CA13: variants seen among roughly 807,000 people sequenced by gnomAD.
CA13 encodes carbonic anhydrase 13.
CA13 carries 21 observed loss-of-function variants against 31.5 expected under a neutral mutation model. The observed-to-expected ratio is 0.67, with a 90% CI of 0.47 to 0.96. The LOEUF is 0.96. Among genes scored for constraint, CA13 ranks in the 40% least tolerant of loss-of-function variants. The pLI is 0.00. For synonymous variants in CA13, 117 were observed against 111.4 expected (o/e 1.05, Z -0.32); for missense variants, 315 against 318.9 (o/e 0.99, Z 0.09).
At chr8:85,268,364 T>C (rs2129987667) in intron 5 of CA13, 108 bp from the exon 6 acceptor site, 1 of 937,760 alleles carries the variant, frequency 1.1e-6, no homozygotes, top group East Asian at 2.4e-5. Flanking sequence ...GATGCAGATA[T>C]TCTGTATTGT....
chr8:85,273,973 T>C (rs1807564436), intron 6 of CA13, among the ~76,000 whole-genome samples: 1 of 151,880 alleles, frequency 6.6e-6, no homozygotes, highest in African/African-American at 2.4e-5. Flanking sequence ...ATGTAACTGC[T>C]GCATAGTACC....
chr8:85,265,573 C>G (rs1807444616), intron 3 of CA13, among the ~76,000 whole-genome samples: 1 of 151,998 alleles, frequency 6.6e-6, no homozygotes, highest in African/African-American at 2.4e-5. Context: ...TTATCTCCCT[C>G]CTTAGTAGCA....
At chr8:85,247,516 A>G (rs568531185) in intron 1 of CA13, among the ~76,000 whole-genome samples, 1 of 152,290 alleles carries the variant, frequency 6.6e-6, no homozygotes, top group Non-Finnish European at 1.5e-5. Context: ...TCAGAGAAAG[A>G]TTGGGAAAAT....
At chr8:85,259,372 A>T in intron 2 of CA13, 49 bp from the exon 3 acceptor site, 2 of 1,454,430 alleles carry the variant, frequency 1.4e-6, no homozygotes, top group Non-Finnish European at 1.9e-6. Flanking sequence ...TGAGCAGCTT[A>T]TGTAAATATT....
chr8:85,269,641 T>C (rs7818163), intron 6 of CA13, among the ~76,000 whole-genome samples: 112,601 of 152,020 alleles, frequency 0.74, 42,457 homozygotes, highest in African/African-American at 0.85. Context: ...TGTAGGGAGG[T>C]TCTTTCTGTG....
Position 85,262,935 on chromosome 8 carries a change from G to C in CA13, c.354+3396G>C, listed in dbSNP as rs142690494. On this transcript the variant is annotated intron_variant, in intron 3 of 6. Coordinates refer to ENST00000321764, the MANE Select transcript of CA13 (RefSeq NM_198584.3). ...ACCTCAGGCTTGGTGGGGTGGGAGA[G>C]GTAGACAATAAGCAAATAAATAAAT... is the stretch of plus-strand genomic sequence containing the variant. Among the ~76,000 whole-genome samples the C allele has an allele frequency of 1.4e-3, 209 of 152,196 alleles. 1 individual carries two copies. The highest frequency in any genetic ancestry group is 6.8e-3 in the Middle Eastern group (2 of 294).
chr8:85,268,012 AC>A (rs564900875), intron 5 of CA13, 48 bp downstream of exon 5: 1 of 1,168,710 alleles, frequency 8.6e-7, no homozygotes, highest in Non-Finnish European at 1.2e-6. Flanking sequence ...GTTCTCTCCC[AC>A]ATTCTCTTAT....
intron 6 of CA13, among the ~76,000 whole-genome samples, chr8:85,280,054 G>T (rs1807675824): frequency 1.3e-5 from 2 of 152,118 alleles, no homozygotes; most frequent in Admixed American, 1.3e-4. Context: ...GGCTGAGGAG[G>T]GCGGATCATG....
At chr8:85,279,796 C>T (rs1448142545) in intron 6 of CA13, among the ~76,000 whole-genome samples, 1 of 152,186 alleles carries the variant, frequency 6.6e-6, no homozygotes, top group Non-Finnish European at 1.5e-5. Context: ...TTGTTATGAT[C>T]TGCAGAAGGC....
At chr8:85,276,340 T>TC (rs1807607388) in intron 6 of CA13, among the ~76,000 whole-genome samples, 1 of 152,142 alleles carries the variant, frequency 6.6e-6, no homozygotes, top group Non-Finnish European at 1.5e-5. Flanking sequence ...GGCCCGAGCT[T>TC]CCCCAAACGA....
chr8:85,269,369 T>C (rs1248152444), intron 6 of CA13, among the ~76,000 whole-genome samples: 1 of 152,170 alleles, frequency 6.6e-6, no homozygotes, highest in Non-Finnish European at 1.5e-5. Context: ...GAGGATTGCT[T>C]GAACCCAAGA....
intron 1 of CA13, 59 bp downstream of exon 1, chr8:85,245,924 G>A (rs575618795): frequency 6.3e-7 from 1 of 1,596,014 alleles, no homozygotes. Context: ...GGACTAGCGC[G>A]ACGCCCCGGC....
At chr8:85,264,238 A>G (rs905748538) in intron 3 of CA13, among the ~76,000 whole-genome samples, 3 of 152,210 alleles carry the variant, frequency 2.0e-5, no homozygotes, top group African/African-American at 4.8e-5. Flanking sequence ...AACATTCATC[A>G]TGGATTTTTG....
Position 85,250,603 on chromosome 8 carries a change from A to C in CA13, c.38-137A>C. On this transcript the variant is annotated intron_variant, in intron 1 of 6. Coordinates refer to ENST00000321764, the MANE Select transcript of CA13 (RefSeq NM_198584.3). ...TGTAAAAAAAAACAATTAGATGCCAAGGTCCTGAGGACGAGAATCTCATTT... is the reference window on the plus strand; with the variant it reads ...TGTAAAAAAAAACAATTAGATGCCACGGTCCTGAGGACGAGAATCTCATTT... The C allele has an allele frequency of 8.6e-6, 5 of 584,012 alleles. No homozygotes were observed. In the South Asian group the frequency reaches 1.3e-4, roughly 16 times the overall value. 36.2% of individuals were successfully genotyped at this position (584,012 alleles called of 1,614,324 possible).
intron 6 of CA13, among the ~76,000 whole-genome samples, chr8:85,278,014 A>G (rs1164057462): frequency 1.3e-5 from 2 of 151,930 alleles, no homozygotes; most frequent in African/African-American, 4.8e-5. Flanking sequence ...TTCACCCAGC[A>G]TTTTGAAAGG....
chr8:85,260,704 G>A (rs1466369779), intron 3 of CA13, among the ~76,000 whole-genome samples: 1 of 152,202 alleles, frequency 6.6e-6, no homozygotes, highest in African/African-American at 2.4e-5. Flanking sequence ...TGTCTAGAAG[G>A]TAGAAAGTGG....
At chr8:85,259,662 C>T in intron 3 of CA13, 123 bp downstream of exon 3, 1 of 723,532 alleles carries the variant, frequency 1.4e-6, no homozygotes, top group Admixed American at 2.5e-5. Context: ...GTGTCTGAAA[C>T]TGCTTTATTC....
At chr8:85,266,025 G>A (rs1807450872) in intron 3 of CA13, among the ~76,000 whole-genome samples, 1 of 152,156 alleles carries the variant, frequency 6.6e-6, no homozygotes, top group Admixed American at 6.5e-5. Flanking sequence ...CCATCTGTGA[G>A]CTCAGCCCTC....
rs575270574 is a variant in CA13 at position 85,268,554 on chromosome 8, T to G, written c.596T>G (p.Leu199Arg). The change falls in exon 6 of 7, where the codon CTT (leucine) becomes CGT (arginine). Residue 199 changes from leucine (L) to arginine (R), a missense_variant. Physicochemically the swap from Leu to Arg is moderately radical, Grantham distance 102. Coordinates refer to ENST00000321764, the MANE Select transcript of CA13 (RefSeq NM_198584.3). ...SWDYWTYPGS[L>R]TVPPLLESVT... ...GACTACTGGACATATCCTGGTTCTC[T>G]TACAGTTCCACCTCTTCTTGAGAGT... The G allele has an allele frequency of 6.8e-6, 11 of 1,614,108 alleles. No individual in the cohort carries two copies. The South Asian group carries it at 1.1e-4, about 16-fold the overall frequency.
Sources: gnomAD v4.1 joint callset for allele counts (sites outside exome capture counted in the v4.1 genomes callset) on GRCh38, gnomAD v4.1.1 for gene constraint, MANE v1.5 for transcripts, NCBI Gene and HGNC (gene_info 2026-07-23, HGNC 2026-07-21) for gene names.